Variants in WDR72 observed in about 807,000 individuals in gnomAD.
The protein encoded by WDR72 is WD repeat-containing protein 72.
WDR72 carries 120 observed loss-of-function variants against 124.2 expected under a neutral mutation model. The ratio of observed to expected loss-of-function variants is 0.97; its 90% CI spans 0.83 to 1.12. The LOEUF (loss-of-function observed/expected upper bound fraction) is 1.12. Among genes scored for constraint, WDR72 ranks in the 50% most tolerant of loss-of-function variants. The pLI is 0.00. For missense variants in WDR72, 1,387 were observed against 1,278.8 expected (o/e 1.08, Z -1.29); for synonymous variants, 452 against 441.7 (o/e 1.02, Z -0.29).
chr15:53,723,330 C>A (rs2017930471), intron 2 of WDR72, among the ~76,000 whole-genome samples: 1 of 152,096 alleles, frequency 6.6e-6, no homozygotes. Flanking sequence ...CCATAATACC[C>A]TATATGGTGA....
chr15:53,669,017 AAAGAAGAAG>A (rs140747891), intron 13 of WDR72, among the ~76,000 whole-genome samples: 4 of 134,012 alleles, frequency 3.0e-5, no homozygotes, highest in African/African-American at 5.1e-5. Context: ...GAGAAGGAGA[AAAGAAGAAG>A]GGAGGAAGGG....
intron 18 of WDR72, among the ~76,000 whole-genome samples, chr15:53,588,883 T>C (rs1294934610): frequency 1.3e-5 from 2 of 151,832 alleles, no homozygotes; most frequent in Admixed American, 6.6e-5. Flanking sequence ...AAGCCAGCCA[T>C]GTTGCAAAGA....
chr15:53,520,923 TTTC>T (rs1054539131), intron 19 of WDR72, among the ~76,000 whole-genome samples: 3 of 152,076 alleles, frequency 2.0e-5, no homozygotes, highest in African/African-American at 7.2e-5. Flanking sequence ...CATCAAAATC[TTTC>T]TTACTAAACA....
At position 53,711,213 on chromosome 15, in the gene WDR72, G is replaced by C; in HGVS notation, c.857+123C>G. 2.8e-6 allele frequency: 4 copies of C among 1,416,256 alleles called. No individual in the cohort carries two copies. In the Admixed American group the frequency reaches 5.2e-5, roughly 19 times the overall value. 87.7% of individuals were successfully genotyped at this position (1,416,256 alleles called of 1,614,324 possible). A position where few individuals can be genotyped will look rare whatever the true frequency, so the allele number is the denominator to read the frequency against. Reference sequence around the variant, plus strand: ...TACCAAGCCCAGAGTAAATCTTCTAGTGCCAAAGTTGTTTTGTTCTGGTTT... The same window carrying C: ...TACCAAGCCCAGAGTAAATCTTCTACTGCCAAAGTTGTTTTGTTCTGGTTT... On this transcript the variant is annotated intron_variant, in intron 8 of 19. Coordinates refer to ENST00000360509, the MANE Select transcript of WDR72 (RefSeq NM_182758.4).
chr15:53,561,979 T>C (rs561098459), intron 18 of WDR72, among the ~76,000 whole-genome samples: 1 of 151,954 alleles, frequency 6.6e-6, no homozygotes, highest in South Asian at 2.1e-4. Context: ...TTTTAGGTAA[T>C]TTATTGTTAA....
intron 17 of WDR72, among the ~76,000 whole-genome samples, chr15:53,608,791 A>T (rs2140357184): frequency 6.6e-6 from 1 of 151,538 alleles, no homozygotes; most frequent in Non-Finnish European, 1.5e-5. Context: ...TAAATATAAA[A>T]ATAAAAACAA....
intron 9 of WDR72, among the ~76,000 whole-genome samples, chr15:53,706,377 T>TATATATATATATAC (rs2140534276): frequency 8.6e-6 from 1 of 116,034 alleles, no homozygotes; most frequent in African/African-American, 5.1e-5. Flanking sequence ...TATATATATA[T>TATATATATATATAC]ATATATATAT....
At chr15:53,681,846 C>T (rs1458950332) in intron 13 of WDR72, among the ~76,000 whole-genome samples, 1 of 151,776 alleles carries the variant, frequency 6.6e-6, no homozygotes. Flanking sequence ...TGCACACACA[C>T]ACACATCCAC....
chr15:53,646,042 G>T (rs689785), intron 14 of WDR72, among the ~76,000 whole-genome samples: 13,865 of 152,192 alleles, frequency 0.091, 1,614 homozygotes, highest in African/African-American at 0.28. Flanking sequence ...AGGTGATGAT[G>T]TGGCTTCTTA....
intron 18 of WDR72, 117 bp from the exon 19 acceptor site, chr15:53,523,439 G>A (rs1293667467): frequency 7.6e-6 from 7 of 918,470 alleles, no homozygotes; most frequent in South Asian, 4.0e-5. Flanking sequence ...GACACACTAT[G>A]TAAACACAAA....
chr15:53,615,773 T>C lies in WDR72; in HGVS notation c.2433A>G (p.Leu811=). 2 of 1,613,542 alleles carry C rather than the reference T, an allele frequency of 1.2e-6. No homozygotes were observed. The highest frequency in any genetic ancestry group is 1.7e-6 in the Non-Finnish European group (2 of 1,179,644). ...TGAGGTGCTTAATGCAAAGATAATCTAAATCTTTATCCACTCCCCATGGCA... is the reference window on the plus strand; with the variant it reads ...TGAGGTGCTTAATGCAAAGATAATCCAAATCTTTATCCACTCCCCATGGCA... ...CLLPWGVDKD[L]DYLCIKHLNI... is the part of the protein sequence containing the mutation. Residue 811 remains leucine, a synonymous_variant, in exon 15 of 20, where the codon TTA becomes TTG. Transcript: ENST00000360509.
At chr15:53,739,451 T>C (rs1246640416) in intron 1 of WDR72, among the ~76,000 whole-genome samples, 1 of 152,180 alleles carries the variant, frequency 6.6e-6, no homozygotes. Context: ...TCCAATATAC[T>C]CTACTATAAG....
At position 53,735,161 on chromosome 15, in the gene WDR72, G is replaced by T. The variant is rs117885837; in HGVS notation, c.-12-2000C>A. On this transcript the variant is annotated intron_variant, in intron 1 of 19. Coordinates refer to ENST00000360509, the MANE Select transcript of WDR72 (RefSeq NM_182758.4). ...ATACAAAAATTAGCCAGGCATGGTG[G>T]CACACACTGGTAATCCTACCTCGGG... Among the ~76,000 whole-genome samples, 23 of 152,176 alleles carry T rather than the reference G, an allele frequency of 1.5e-4. No homozygotes were observed. In the East Asian group the frequency reaches 4.3e-3, roughly 28 times the overall value.
At chr15:53,562,161 A>G (rs1384819286) in intron 18 of WDR72, among the ~76,000 whole-genome samples, 1 of 151,842 alleles carries the variant, frequency 6.6e-6, no homozygotes, top group African/African-American at 2.4e-5. Context: ...GAAAAAATTA[A>G]GGTGAGATAG....
intron 14 of WDR72, among the ~76,000 whole-genome samples, chr15:53,629,522 T>C (rs1481481123): frequency 6.6e-6 from 1 of 151,854 alleles, no homozygotes; most frequent in East Asian, 1.9e-4. Flanking sequence ...AAAGAAAGTT[T>C]TTAGAAATAT....
intron 1 of WDR72, among the ~76,000 whole-genome samples, chr15:53,757,438 C>A (rs1257774680): frequency 6.6e-6 from 1 of 152,066 alleles, no homozygotes; most frequent in Non-Finnish European, 1.5e-5. Context: ...GCCTGGTCAA[C>A]ATAGTGAAAC....
At chr15:53,604,677 A>T (rs2140351294) in intron 17 of WDR72, among the ~76,000 whole-genome samples, 1 of 152,352 alleles carries the variant, frequency 6.6e-6, no homozygotes, top group East Asian at 1.9e-4. Flanking sequence ...AAATGAACAG[A>T]CACTTTTCAA....
chr15:53,745,374 A>G (rs2018618773), intron 1 of WDR72, among the ~76,000 whole-genome samples: 1 of 152,144 alleles, frequency 6.6e-6, no homozygotes, highest in Non-Finnish European at 1.5e-5. Context: ...CTTTACTTTT[A>G]CAGTATTGAC....
intron 18 of WDR72, among the ~76,000 whole-genome samples, chr15:53,538,534 T>A (rs1283991827): frequency 2.0e-5 from 3 of 152,186 alleles, no homozygotes; most frequent in African/African-American, 7.2e-5. Flanking sequence ...TTTTCATTTC[T>A]AGGGTAGAAA....
Sources: gnomAD v4.1 joint callset for allele counts (sites outside exome capture counted in the v4.1 genomes callset) on GRCh38, gnomAD v4.1.1 for gene constraint, MANE v1.5 for transcripts, NCBI Gene and HGNC (gene_info 2026-07-23, HGNC 2026-07-21) for gene names.